The following NBAS variants were observed in gnomAD, a reference collection of about 807,000 sequenced individuals.
The protein encoded by NBAS is NAG/BC035112 fusion.
Under a neutral mutation model 302.5 loss-of-function variants are expected in NBAS, and 219 were observed. The observed-to-expected ratio is 0.72, with a 90% CI of 0.65 to 0.81. NBAS has a LOEUF of 0.81. NBAS is among the 30% of genes least tolerant of loss of function. The pLI is 0.00. For missense variants in NBAS, 2,932 were observed against 2,841.6 expected, an observed-to-expected ratio of 1.03 and a Z score of -0.72; for synonymous variants, 1,118 against 1,021.6, an observed-to-expected ratio of 1.09 and a Z score of -1.80.
chr2:15,050,087 C>T, the NBAS span, among the ~76,000 whole-genome samples: 1 of 152,168 alleles, frequency 6.6e-6, no homozygotes, highest in South Asian at 2.1e-4. Context: ...AGTTGTGTCA[C>T]CTGTGAGTTA....
chr2:14,808,085 A>G, the NBAS span, among the ~76,000 whole-genome samples: 3 of 152,256 alleles, frequency 2.0e-5, no homozygotes, highest in African/African-American at 2.4e-5. Flanking sequence ...CATTTCAAAA[A>G]GAATGAATTA....
At chr2:14,958,967 G>C in the NBAS span, among the ~76,000 whole-genome samples, 1 of 152,188 alleles carries the variant, frequency 6.6e-6, no homozygotes, top group African/African-American at 2.4e-5. Context: ...AGGAAGGGTG[G>C]AGTAACACTG....
intron 45 of NBAS, among the ~76,000 whole-genome samples, chr2:15,237,403 G>A (rs1667642547): frequency 6.6e-6 from 1 of 151,642 alleles, no homozygotes; most frequent in South Asian, 2.1e-4. Context: ...AATTTTAGTA[G>A]TCAAAAAATT....
chr2:15,195,519 T>C (rs1665577997), intron 48 of NBAS, among the ~76,000 whole-genome samples: 1 of 152,160 alleles, frequency 6.6e-6, no homozygotes, highest in African/African-American at 2.4e-5. Context: ...TCAGTATCTT[T>C]GTTAGAGTGG....
chr2:15,327,150 A>T (rs558382825), intron 38 of NBAS, among the ~76,000 whole-genome samples: 1 of 152,258 alleles, frequency 6.6e-6, no homozygotes, highest in Admixed American at 6.5e-5. Context: ...CTGACATCTG[A>T]AATATAGACA....
chr2:15,412,989 G>A (rs1487501461), intron 25 of NBAS, among the ~76,000 whole-genome samples: 2 of 152,162 alleles, frequency 1.3e-5, no homozygotes, highest in Non-Finnish European at 2.9e-5. Context: ...TACTGCAACT[G>A]ACACTTACCA....
chr2:15,252,368 C>T (rs542283590), intron 44 of NBAS, among the ~76,000 whole-genome samples: 1 of 151,882 alleles, frequency 6.6e-6, no homozygotes, highest in African/African-American at 2.4e-5. Flanking sequence ...CGTGGTGGCG[C>T]GTGCCTGTAA....
the NBAS span, among the ~76,000 whole-genome samples, chr2:15,075,782 CAT>C: frequency 6.6e-6 from 1 of 151,836 alleles, no homozygotes; most frequent in Non-Finnish European, 1.5e-5. Context: ...CACACACACA[CAT>C]ATACACACAG....
At chr2:15,406,530 C>T (rs76198426) in intron 25 of NBAS, among the ~76,000 whole-genome samples, 3,625 of 152,154 alleles carry the variant, frequency 0.024, 56 homozygotes, top group Non-Finnish European at 0.037. Context: ...ACTCAAAATA[C>T]AGAGGCAGTA....
chr2:15,424,443 C>T lies in NBAS; in HGVS notation c.2449G>A (p.Asp817Asn), dbSNP rs1216893226. Residue 817 changes from aspartate to asparagine, a missense_variant, in exon 23 of 52, where the codon GAT becomes AAT. Asp to Asn is a conservative substitution (Grantham distance 23). Coordinates refer to ENST00000281513, the MANE Select transcript of NBAS (RefSeq NM_015909.4). ...GCAGCATACAAGAATTCACTTTCATCTTGGAGATTCGGCTCAACAACCATT... is the reference window on the plus strand; with the variant it reads ...GCAGCATACAAGAATTCACTTTCATTTTGGAGATTCGGCTCAACAACCATT... ...CRMVVEPNLQDESEFLYAAQP... is the reference protein window; with the variant it reads ...CRMVVEPNLQNESEFLYAAQP... The T allele has an allele frequency of 1.9e-6, 3 of 1,614,004 alleles. No homozygotes were observed. In the African/African-American group the frequency reaches 4.0e-5, roughly 22 times the overall value.
At chr2:15,240,583 CT>C (rs747200991) in intron 44 of NBAS, among the ~76,000 whole-genome samples, 8 of 152,058 alleles carry the variant, frequency 5.3e-5, no homozygotes, top group Non-Finnish European at 1.0e-4. Flanking sequence ...CACCGCTGCA[CT>C]CCAGACTGGG....
downstream of NBAS, among the ~76,000 whole-genome samples, chr2:15,162,385 T>A (rs550544429): frequency 4.9e-4 from 74 of 152,316 alleles, no homozygotes; most frequent in African/African-American, 1.7e-3. Context: ...ACCTGACCAT[T>A]GCTGAAGGCT....
chr2:14,928,818 T>G, the NBAS span, among the ~76,000 whole-genome samples: 8 of 152,064 alleles, frequency 5.3e-5, no homozygotes, highest in East Asian at 1.4e-3. Context: ...AGGTCACAGG[T>G]TAGCCCACAG....
intron 42 of NBAS, 88 bp downstream of exon 42, chr2:15,286,985 T>C: frequency 9.0e-7 from 1 of 1,107,748 alleles, no homozygotes; most frequent in Non-Finnish European, 1.4e-6. Flanking sequence ...AAAACTAAAA[T>C]TGTACTTTAC....
the NBAS span, among the ~76,000 whole-genome samples, chr2:15,078,472 T>G: frequency 6.6e-6 from 1 of 152,332 alleles, no homozygotes; most frequent in Non-Finnish European, 1.5e-5. Context: ...TTAATCTTTT[T>G]CAACATCTCT....
intron 25 of NBAS, among the ~76,000 whole-genome samples, chr2:15,407,722 T>C (rs1481199319): frequency 2.0e-5 from 3 of 152,244 alleles, no homozygotes; most frequent in African/African-American, 4.8e-5. Flanking sequence ...ACATTATTTG[T>C]AGTTTTCTGT....
the NBAS span, among the ~76,000 whole-genome samples, chr2:15,016,972 C>A: frequency 6.6e-6 from 1 of 152,100 alleles, no homozygotes; most frequent in Admixed American, 6.5e-5. Context: ...AACTATTTAT[C>A]TTTTGTGTTA....
chr2:15,375,775 G>A (rs4140715), intron 30 of NBAS, among the ~76,000 whole-genome samples: 94,864 of 151,884 alleles, frequency 0.62, 30,344 homozygotes, highest in Middle Eastern at 0.68. Flanking sequence ...CTACCAAATT[G>A]TTTTTAAAAA....
intron 5 of NBAS, among the ~76,000 whole-genome samples, chr2:15,551,794 G>A (rs1404058974): frequency 1.3e-5 from 2 of 152,164 alleles, no homozygotes; most frequent in Admixed American, 1.3e-4. Flanking sequence ...TGAATTTACC[G>A]TGGTCTTTTC....
Sources: allele counts gnomAD v4.1 joint callset (sites outside exome capture counted in the v4.1 genomes callset), GRCh38; gene constraint gnomAD v4.1.1; transcripts MANE v1.5; gene names NCBI Gene and HGNC (gene_info 2026-07-23, HGNC 2026-07-21).